The following WDR20 variants were observed in gnomAD, a reference collection of about 807,000 sequenced individuals.
WDR20 encodes WD repeat domain 20.
A neutral mutation model predicts 38.7 loss-of-function variants in WDR20; 3 were observed. The observed-to-expected ratio is 0.08, with a 90% CI of 0.04 to 0.20. The LOEUF (loss-of-function observed/expected upper bound fraction) is 0.20, where lower values mean the gene tolerates loss of function less well. WDR20 is among the 10% of genes least tolerant of loss of function. The pLI is 1.00. For synonymous variants in WDR20, 298 were observed against 285.6 expected (o/e 1.04, Z -0.44); for missense variants, 559 against 727.7 (o/e 0.77, Z 2.67).
chr14:102,199,428 G>C (rs567129501), intron 2 of WDR20, among the ~76,000 whole-genome samples: 1 of 152,014 alleles, frequency 6.6e-6, no homozygotes, highest in East Asian at 1.9e-4. Flanking sequence ...CGTGGGAGGT[G>C]AGATACCAAC....
intron 1 of WDR20, among the ~76,000 whole-genome samples, chr14:102,145,777 AC>A (rs2053395009): frequency 3.0e-5 from 4 of 131,332 alleles, no homozygotes; most frequent in East Asian, 4.6e-4. Context: ...TTTCAAAAAA[AC>A]AAAACAATCA....
Position 102,162,632 on chromosome 14 carries a change from C to CCTCTCACACTCTCTCGCT in WDR20, c.249+22463_249+22480dup, listed in dbSNP as rs578132636. Among the ~76,000 whole-genome samples the CCTCTCACACTCTCTCGCT allele has an allele frequency of 1.9e-3, 284 of 151,598 alleles. 5 individuals carry two copies. The East Asian group carries it at 0.038, about 20-fold the overall frequency. ...CTCTTGCTCTCTCACGCTCTCTCGC[C>CCTCTCACACTCTCTCGCT]CTCTCACACTCTCTCGCTCTGTTGC... On this transcript the variant is annotated intron_variant, in intron 1 of 2. Coordinates refer to ENST00000342702, the MANE Select transcript of WDR20 (RefSeq NM_144574.4).
intron 2 of WDR20, among the ~76,000 whole-genome samples, chr14:102,205,721 T>C (rs1326902811): frequency 6.6e-6 from 1 of 151,666 alleles, no homozygotes; most frequent in Non-Finnish European, 1.5e-5. Flanking sequence ...TTTTCCCTGC[T>C]GTCAAGCACA....
At chr14:102,141,302 T>C (rs34668411) in intron 1 of WDR20, among the ~76,000 whole-genome samples, 6,436 of 152,284 alleles carry the variant, frequency 0.042, 177 homozygotes, top group Middle Eastern at 0.065. Context: ...CAGGATTTAA[T>C]ATAGCCAGAT....
At chr14:102,149,956 G>A (rs2055165696) in intron 1 of WDR20, among the ~76,000 whole-genome samples, 2 of 152,172 alleles carry the variant, frequency 1.3e-5, no homozygotes, top group South Asian at 4.1e-4. Flanking sequence ...GCCTCCCAAA[G>A]TGCTGGGATT....
rs143242774 is a variant in WDR20 at position 102,198,290 on chromosome 14, G to A, written c.432+3170G>A. On this transcript the variant is annotated intron_variant, in intron 2 of 2. Transcript: ENST00000342702. Reference sequence around the variant, plus strand: ...ATTATAGGCCACCTGACTAATTTTTGTATTTTTAGTAGAGACGGGATTTCA... The same window carrying A: ...ATTATAGGCCACCTGACTAATTTTTATATTTTTAGTAGAGACGGGATTTCA... 9 of 347,080 alleles carry A rather than the reference G, an allele frequency of 2.6e-5. No individual in the cohort carries two copies. In the East Asian group the frequency reaches 1.1e-3, roughly 43 times the overall value. The allele number at this position is 347,080 out of a possible 1,614,324, so 21.5% of individuals were successfully genotyped here.
At position 102,221,480 on chromosome 14, in the gene WDR20, T is replaced by C. The variant is rs2063892399; in HGVS notation, c.1693-1350T>C. ...TGCTGCCCAGCTTTCCTCCACAGGC[T>C]TGATGTGTTTGAGCCAGAAGTATGG... On this transcript the variant is annotated intron_variant, in intron 3 of 3. Transcript: ENST00000335263. The surrounding 1 kb of genome is among the most constrained non-coding windows in gnomAD (Gnocchi z 4.8). Among the ~76,000 whole-genome samples the C allele has an allele frequency of 6.6e-6, 1 of 152,178 alleles. No individual in the cohort carries two copies. Among genetic ancestry groups the C allele is most frequent in the African/African-American group, 2.4e-5 (1 of 41,442 alleles).
intron 1 of WDR20, among the ~76,000 whole-genome samples, chr14:102,181,032 T>G (rs1184585092): frequency 6.6e-6 from 1 of 152,206 alleles, no homozygotes; most frequent in African/African-American, 2.4e-5. Flanking sequence ...CAGGACACAT[T>G]CAGCTTGAAA....
intron 2 of WDR20, among the ~76,000 whole-genome samples, chr14:102,195,570 C>G (rs1181426505): frequency 6.6e-6 from 1 of 152,212 alleles, no homozygotes; most frequent in Non-Finnish European, 1.5e-5. Flanking sequence ...GAGTACTTCA[C>G]TTGCTCTTGA....
chr14:102,197,673 A>G (rs970582216), intron 2 of WDR20: 8 of 618,902 alleles, frequency 1.3e-5, no homozygotes, highest in African/African-American at 1.3e-4. Context: ...ACGTGAAGCA[A>G]TTTGGAACTG....
rs561076538 is a variant in WDR20, at chr14:102,193,281, G to A, written c.250-1657G>A. ...GTCCGTGGCCATCGTCCCAGGCCCC[G>A]CTGCTCACTCGCAGCACTCGGCTGA... On this transcript the variant is annotated intron_variant, in intron 1 of 2. Coordinates refer to ENST00000342702, the MANE Select transcript of WDR20 (RefSeq NM_144574.4). 2.4e-4 allele frequency among the ~76,000 whole-genome samples: 36 copies of A among 152,178 alleles called. No individual in the cohort carries two copies. The South Asian group carries it at 6.0e-3, about 25-fold the overall frequency.
chr14:102,176,958 C>T (rs182931887), intron 1 of WDR20, among the ~76,000 whole-genome samples: 1 of 152,242 alleles, frequency 6.6e-6, no homozygotes, highest in East Asian at 1.9e-4. Context: ...GCACTCCCAA[C>T]CTCAGGTGAT....
At chr14:102,155,558 T>C (rs1432204842) in intron 1 of WDR20, among the ~76,000 whole-genome samples, 1 of 152,248 alleles carries the variant, frequency 6.6e-6, no homozygotes, top group East Asian at 1.9e-4. Context: ...CCTTTGTAGA[T>C]GTGCAGACTA....
In WDR20 at chr14:102,181,142, AC is replaced by A. The variant is rs1308962806; in HGVS notation, c.250-13794del. On this transcript the variant is annotated intron_variant, in intron 1 of 2. Transcript: ENST00000342702. ...TTCAGAACATAACTTATGAACTTTA[AC>A]CAGATGAGTGTCATTTGGTTTATCC... Among the ~76,000 whole-genome samples the A allele has an allele frequency of 2.4e-4, 36 of 152,322 alleles. 1 individual carries two copies. The highest frequency in any genetic ancestry group is 2.4e-3 in the Admixed American group (36 of 15,288).
chr14:102,177,403 C>G (rs2062389469), intron 1 of WDR20, among the ~76,000 whole-genome samples: 1 of 152,120 alleles, frequency 6.6e-6, no homozygotes, highest in African/African-American at 2.4e-5. Context: ...GCTTGCTGTC[C>G]AATGTGCCAG....
intron 1 of WDR20, among the ~76,000 whole-genome samples, chr14:102,146,835 A>G (rs1220959483): frequency 6.6e-6 from 1 of 152,166 alleles, no homozygotes; most frequent in Non-Finnish European, 1.5e-5. Flanking sequence ...TTTATAATTT[A>G]GAAAGAGGTT....
In WDR20 at chr14:102,198,384, C is replaced by T. The variant is rs151213189; in HGVS notation, c.432+3264C>T. On this transcript the variant is annotated intron_variant, in intron 2 of 2. Transcript: ENST00000342702. ...CCACCCACCTCAGCTTCCCAAAGTG[C>T]TGGAATTACAGGCGTGAGCCACCAC... 2.8e-3 allele frequency: 678 copies of T among 242,028 alleles called. 2 individuals are homozygous for T. Among genetic ancestry groups the T allele is most frequent in the Non-Finnish European group, 4.3e-3 (489 of 114,094 alleles). The allele number at this position is 242,028 out of a possible 1,614,324, so 15.0% of individuals were successfully genotyped here. A position where few individuals can be genotyped will look rare whatever the true frequency, so the allele number is the denominator to read the frequency against.
chr14:102,172,496 G>A (rs1349510674), intron 1 of WDR20, among the ~76,000 whole-genome samples: 19 of 149,538 alleles, frequency 1.3e-4, no homozygotes, highest in South Asian at 8.5e-4. Context: ...GGGCAGAGGC[G>A]CCCCTCACCT....
chr14:102,162,099 A>G (rs1280782443), intron 1 of WDR20, among the ~76,000 whole-genome samples: 1 of 152,208 alleles, frequency 6.6e-6, no homozygotes, highest in African/African-American at 2.4e-5. Flanking sequence ...ATCTGTAAGT[A>G]GATATTGGAT....
Sources: allele counts gnomAD v4.1 joint callset (sites outside exome capture counted in the v4.1 genomes callset), GRCh38; gene constraint gnomAD v4.1.1; non-coding constraint Gnocchi (gnomAD v3.1); transcripts MANE v1.5; gene names NCBI Gene and HGNC (gene_info 2026-07-23, HGNC 2026-07-21).